Variants in TMEM108 observed in about 807,000 individuals in gnomAD.
The protein encoded by TMEM108 is cancer/testis antigen 124.
A neutral mutation model predicts 35.1 loss-of-function variants in TMEM108; 12 were observed. The ratio of observed to expected loss-of-function variants is 0.34; its 90% CI spans 0.22 to 0.55. TMEM108 has a LOEUF of 0.55. Among genes scored for constraint, TMEM108 ranks in the 20% least tolerant of loss-of-function variants. The pLI is 0.89. For synonymous variants in TMEM108, 287 were observed against 308.6 expected (o/e 0.93, Z 0.73); for missense variants, 680 against 753.3 (o/e 0.90, Z 1.14).
intron 2 of TMEM108, among the ~76,000 whole-genome samples, chr3:133,047,058 T>G (rs147108226): frequency 6.6e-6 from 1 of 152,176 alleles, no homozygotes; most frequent in African/African-American, 2.4e-5. Context: ...TCTCTGGAGA[T>G]TCCAATAAAT....
At chr3:133,337,198 T>A (rs1033329345) in intron 3 of TMEM108, among the ~76,000 whole-genome samples, 1 of 152,158 alleles carries the variant, frequency 6.6e-6, no homozygotes, top group Non-Finnish European at 1.5e-5. Context: ...CCCCAGGACC[T>A]TTAGCAAATG....
At chr3:133,174,572 G>A (rs981388582) in intron 2 of TMEM108, among the ~76,000 whole-genome samples, 1 of 152,192 alleles carries the variant, frequency 6.6e-6, no homozygotes, top group Non-Finnish European at 1.5e-5. Flanking sequence ...AACAGGGTCT[G>A]GAGTGGACCT....
intron 2 of TMEM108, among the ~76,000 whole-genome samples, chr3:133,161,788 A>G (rs1449009620): frequency 6.6e-6 from 1 of 151,472 alleles, no homozygotes; most frequent in Non-Finnish European, 1.5e-5. Context: ...TCTGATACTC[A>G]CAGCATTCAA....
intron 2 of TMEM108, among the ~76,000 whole-genome samples, chr3:133,133,760 G>C (rs1007796579): frequency 3.4e-5 from 5 of 146,442 alleles, no homozygotes; most frequent in Admixed American, 2.1e-4. Flanking sequence ...GTGCAATCTT[G>C]GCTCACTGCA....
intron 2 of TMEM108, among the ~76,000 whole-genome samples, chr3:133,161,767 G>A (rs1395598443): frequency 6.6e-6 from 1 of 150,896 alleles, no homozygotes; most frequent in Non-Finnish European, 1.5e-5. Flanking sequence ...TTGAAATCTT[G>A]TCTCGCCATT....
chr3:133,046,995 G>A (rs765511340), intron 2 of TMEM108, among the ~76,000 whole-genome samples: 1 of 152,156 alleles, frequency 6.6e-6, no homozygotes, highest in Non-Finnish European at 1.5e-5. Flanking sequence ...GCCTCATGTG[G>A]CTCAGTAATG....
intron 3 of TMEM108, among the ~76,000 whole-genome samples, chr3:133,262,486 C>T (rs182722459): frequency 2.0e-5 from 3 of 152,282 alleles, no homozygotes; most frequent in Admixed American, 1.3e-4. Flanking sequence ...TGGTACCAGA[C>T]GTTACCATAG....
intron 2 of TMEM108, among the ~76,000 whole-genome samples, chr3:133,106,605 G>A (rs1944156264): frequency 6.6e-6 from 1 of 152,204 alleles, no homozygotes; most frequent in Non-Finnish European, 1.5e-5. Context: ...ATAATGATGT[G>A]TGGGTTATGT....
At position 133,395,971 on chromosome 3, in the gene TMEM108, A is replaced by C. The variant is rs746481378; in HGVS notation, c.1713A>C (p.Gln571His). 1 of 1,599,814 alleles carries C rather than the reference A, an allele frequency of 6.3e-7. No homozygotes were observed. Among genetic ancestry groups the C allele is most frequent in the South Asian group, 1.1e-5 (1 of 88,716 alleles). ...AAACACTGTTTGTGGGAAACGATCA[A>C]GTATCTGAGATCTAACTACAGCAGG... The part of the protein sequence containing the change: ...CQETLFVGND[Q>H]VSEI Residue 571 changes from glutamine (Q) to histidine (H), a missense_variant, in exon 6 of 6, where the codon CAA (glutamine) becomes CAC (histidine). By Grantham distance (24) the Gln-to-His change is conservative (BLOSUM62 0). This residue lies in a region of TMEM108 where 105 missense variants were observed against 150.7 expected (regional missense o/e 0.70). Transcript: ENST00000321871.
chr3:133,219,534 G>A (rs4854702), intron 2 of TMEM108, among the ~76,000 whole-genome samples: 118,540 of 151,984 alleles, frequency 0.78, 46,573 homozygotes, highest in East Asian at 0.95. Context: ...AAGCTTTGGT[G>A]TAGTATGTGC....
intron 2 of TMEM108, among the ~76,000 whole-genome samples, chr3:133,183,168 C>G (rs1244079280): frequency 6.6e-6 from 1 of 152,140 alleles, no homozygotes; most frequent in Non-Finnish European, 1.5e-5. Flanking sequence ...TTTTGGATTT[C>G]AGATTTTCAA....
intron 3 of TMEM108, among the ~76,000 whole-genome samples, chr3:133,374,325 G>T (rs563802112): frequency 1.3e-5 from 2 of 151,998 alleles, no homozygotes; most frequent in African/African-American, 4.8e-5. Flanking sequence ...GCTATGATTC[G>T]CTGTTAAAAG....
intron 3 of TMEM108, among the ~76,000 whole-genome samples, chr3:133,344,651 A>C (rs549348794): frequency 1.3e-5 from 2 of 152,002 alleles, no homozygotes; most frequent in South Asian, 4.2e-4. Context: ...CTTATGAATT[A>C]TCCAGTAGTT....
At chr3:133,072,803 G>A (rs1244425704) in intron 2 of TMEM108, among the ~76,000 whole-genome samples, 1 of 152,116 alleles carries the variant, frequency 6.6e-6, no homozygotes, top group Non-Finnish European at 1.5e-5. Flanking sequence ...CCCATTAGCA[G>A]TCATGCCCTA....
At chr3:133,229,107 A>G (rs1946115314) in intron 2 of TMEM108, among the ~76,000 whole-genome samples, 159 bp from the exon 3 acceptor site, 1 of 152,216 alleles carries the variant, frequency 6.6e-6, no homozygotes, top group African/African-American at 2.4e-5. Context: ...TATAACATAC[A>G]CCATTGTAAA....
chr3:133,318,492 C>G (rs1182475638), intron 3 of TMEM108, among the ~76,000 whole-genome samples: 3 of 152,124 alleles, frequency 2.0e-5, no homozygotes, highest in Non-Finnish European at 2.9e-5. Context: ...TAGCTAGTTG[C>G]AGTCCAAGAA....
At chr3:133,057,218 AT>A (rs1279820770) in intron 2 of TMEM108, among the ~76,000 whole-genome samples, 3 of 152,178 alleles carry the variant, frequency 2.0e-5, no homozygotes, top group Non-Finnish European at 4.4e-5. Flanking sequence ...GATTTAAGCC[AT>A]ATGTGAAGTC....
chr3:133,113,714 C>T (rs1414101961), intron 2 of TMEM108, among the ~76,000 whole-genome samples: 6 of 152,088 alleles, frequency 3.9e-5, no homozygotes, highest in South Asian at 2.1e-4. Context: ...GCTGAGTCAC[C>T]GATGACTGGA....
chr3:133,296,547 A>C (rs1241710348), intron 3 of TMEM108, among the ~76,000 whole-genome samples: 4 of 152,098 alleles, frequency 2.6e-5, no homozygotes, highest in African/African-American at 7.2e-5. Context: ...AAAAAAAAAA[A>C]CACACACTAA....
Sources: allele counts gnomAD v4.1 joint callset (sites outside exome capture counted in the v4.1 genomes callset), GRCh38; gene constraint gnomAD v4.1.1; regional missense constraint gnomAD v4.1.1; transcripts MANE v1.5; gene names NCBI Gene and HGNC (gene_info 2026-07-23, HGNC 2026-07-21).